The following MAPK10 variants were observed in gnomAD, a reference collection of about 807,000 sequenced individuals.
The protein encoded by MAPK10 is mitogen-activated protein kinase 10.
A neutral mutation model predicts 59.3 loss-of-function variants in MAPK10; 25 were observed. That is an observed-to-expected ratio of 0.42 (90% CI 0.31 to 0.59). MAPK10 has a LOEUF of 0.59. Among genes scored for constraint, MAPK10 ranks in the 20% least tolerant of loss-of-function variants. The pLI is 0.15. For missense variants in MAPK10, 351 were observed against 568.9 expected, an observed-to-expected ratio of 0.62 and a Z score of 3.90; for synonymous variants, 190 against 200.5, an observed-to-expected ratio of 0.95 and a Z score of 0.44.
At chr4:86,057,463 G>A (rs1196527035) in intron 11 of MAPK10, among the ~76,000 whole-genome samples, 1 of 150,004 alleles carries the variant, frequency 6.7e-6, no homozygotes, top group Admixed American at 6.6e-5. Context: ...AAATAATCAA[G>A]TAAGGTAGAT....
chr4:86,506,955 G>A (rs1423870867), intron 1 of MAPK10, among the ~76,000 whole-genome samples: 1 of 152,056 alleles, frequency 6.6e-6, no homozygotes, highest in African/African-American at 2.4e-5. Context: ...ATAAAAATAT[G>A]AGTATATATA....
At chr4:86,066,038 G>T (rs1445355972) in intron 10 of MAPK10, among the ~76,000 whole-genome samples, 2 of 152,002 alleles carry the variant, frequency 1.3e-5, no homozygotes, top group Non-Finnish European at 2.9e-5. Context: ...TATTTTTCAC[G>T]TAATATTAAC....
intron 1 of MAPK10, among the ~76,000 whole-genome samples, chr4:86,546,425 C>T (rs1004515456): frequency 6.6e-6 from 1 of 151,448 alleles, no homozygotes; most frequent in African/African-American, 2.4e-5. Context: ...GACATGGTGG[C>T]GTGAGCCTGT....
chr4:86,225,725 G>A (rs2090493216), intron 2 of MAPK10, among the ~76,000 whole-genome samples: 1 of 152,044 alleles, frequency 6.6e-6, no homozygotes, highest in Non-Finnish European at 1.5e-5. Flanking sequence ...TGCTCAATAG[G>A]TACTAATAAA....
chr4:86,056,023 AGT>A (rs1488331535), intron 11 of MAPK10, among the ~76,000 whole-genome samples: 1 of 150,210 alleles, frequency 6.7e-6, no homozygotes, highest in Non-Finnish European at 1.5e-5. Flanking sequence ...CAGATGGATT[AGT>A]TATTCAGAAA....
intron 11 of MAPK10, among the ~76,000 whole-genome samples, chr4:86,046,977 A>G (rs1398131099): frequency 6.6e-6 from 1 of 152,144 alleles, no homozygotes; most frequent in African/African-American, 2.4e-5. Flanking sequence ...TGACACATAG[A>G]GAAAAAAGAT....
intron 1 of MAPK10, among the ~76,000 whole-genome samples, chr4:86,450,475 A>G (rs1750570781): frequency 6.6e-6 from 1 of 152,240 alleles, no homozygotes; most frequent in South Asian, 2.1e-4. Context: ...TGAAAACAGA[A>G]AGTATTATAT....
intron 2 of MAPK10, among the ~76,000 whole-genome samples, chr4:86,335,454 G>A (rs1009822223): frequency 6.6e-6 from 1 of 152,172 alleles, no homozygotes; most frequent in East Asian, 1.9e-4. Context: ...AGATAAGTTT[G>A]CTAAATAGAA....
chr4:86,285,933 G>A (rs948002789), intron 2 of MAPK10, among the ~76,000 whole-genome samples: 5 of 152,240 alleles, frequency 3.3e-5, no homozygotes, highest in Non-Finnish European at 5.9e-5. Flanking sequence ...AACAAATTCC[G>A]CCTTCTTCTG....
chr4:86,063,133 T>C (rs924925810), intron 11 of MAPK10, among the ~76,000 whole-genome samples: 1 of 152,176 alleles, frequency 6.6e-6, no homozygotes, highest in Admixed American at 6.5e-5. Context: ...GGTTACATTA[T>C]GAAAAGGACC....
chr4:86,321,606 G>A (rs2095894102), intron 2 of MAPK10, among the ~76,000 whole-genome samples: 2 of 109,126 alleles, frequency 1.8e-5, no homozygotes, highest in African/African-American at 3.5e-5. Context: ...GAGGGGGGAG[G>A]GATAGCTTTA....
chr4:86,338,874 A>G (rs932782731), intron 2 of MAPK10, among the ~76,000 whole-genome samples: 4 of 152,030 alleles, frequency 2.6e-5, no homozygotes, highest in African/African-American at 9.7e-5. Context: ...TTTAGTGCCT[A>G]GTGTTGACAA....
intron 1 of MAPK10, among the ~76,000 whole-genome samples, chr4:86,448,794 A>G (rs897941755): frequency 1.3e-5 from 2 of 152,218 alleles, no homozygotes; most frequent in East Asian, 1.9e-4. Context: ...ACATTGTAAT[A>G]TATAATGAAA....
intron 1 of MAPK10, chr4:86,358,096 C>T (rs1430731564): frequency 5.2e-5 from 51 of 985,174 alleles, no homozygotes; most frequent in Non-Finnish European, 5.7e-5. Flanking sequence ...GCAGCCAAAC[C>T]GCTACATCCA....
intron 1 of MAPK10, among the ~76,000 whole-genome samples, chr4:86,568,777 CAT>C (rs1363900757): frequency 6.6e-6 from 1 of 152,038 alleles, no homozygotes; most frequent in Non-Finnish European, 1.5e-5. Context: ...TCTTTCTCAC[CAT>C]ATATAAAAAT....
At chr4:86,079,197 C>T (rs1330917768) in intron 9 of MAPK10, among the ~76,000 whole-genome samples, 1 of 152,030 alleles carries the variant, frequency 6.6e-6, no homozygotes, top group Admixed American at 6.6e-5. Context: ...AAATATGAAG[C>T]TGGCAAATTA....
chr4:86,525,101 G>A (rs768561305), intron 1 of MAPK10, among the ~76,000 whole-genome samples: 19 of 152,126 alleles, frequency 1.2e-4, no homozygotes, highest in South Asian at 4.2e-4. Context: ...TTCGAGACCA[G>A]CCTGGGCAAC....
chr4:86,249,489 C>A (rs942707601), intron 2 of MAPK10, among the ~76,000 whole-genome samples: 12 of 152,132 alleles, frequency 7.9e-5, no homozygotes, highest in African/African-American at 2.4e-4. Flanking sequence ...AGCAGACTTC[C>A]ACTTGGGTAG....
chr4:86,333,199 A>G (rs949785879), intron 2 of MAPK10, among the ~76,000 whole-genome samples: 1 of 152,202 alleles, frequency 6.6e-6, no homozygotes, highest in African/African-American at 2.4e-5. Flanking sequence ...GCTTCCTTCT[A>G]GAAAACGATT....
Sources: allele counts gnomAD v4.1 joint callset (sites outside exome capture counted in the v4.1 genomes callset), GRCh38; gene constraint gnomAD v4.1.1; transcripts MANE v1.5; gene names NCBI Gene and HGNC (gene_info 2026-07-23, HGNC 2026-07-21).